MRAP2: variants seen among roughly 807,000 people sequenced by gnomAD.
MRAP2 encodes the protein melanocortin 2 receptor accessory protein 2.
Under a neutral mutation model 17.4 loss-of-function variants are expected in MRAP2, and 20 were observed. The observed-to-expected ratio is 1.15, with a 90% CI of 0.81 to 1.67. The LOEUF is 1.67. Among genes scored for constraint, MRAP2 ranks in the 40% most tolerant of loss-of-function variants. MRAP2 has a pLI of 0.00. For missense variants in MRAP2, 238 were observed against 240.0 expected (o/e 0.99, Z 0.05); for synonymous variants, 96 against 88.4 (o/e 1.09, Z -0.48).
the MRAP2 span, among the ~76,000 whole-genome samples, chr6:84,143,522 GA>G: frequency 1.3e-5 from 2 of 151,768 alleles, no homozygotes; most frequent in Non-Finnish European, 2.9e-5. Context: ...TTCGTTAAGG[GA>G]AAAAATAATT....
At chr6:84,053,274 G>T (rs2099490903) in intron 1 of MRAP2, among the ~76,000 whole-genome samples, 1 of 152,106 alleles carries the variant, frequency 6.6e-6, no homozygotes, top group South Asian at 2.1e-4. Context: ...TATTATAGTA[G>T]CTGTAATGTT....
chr6:84,125,304 G>A, the MRAP2 span: 2 of 1,587,574 alleles, frequency 1.3e-6, no homozygotes, highest in East Asian at 2.2e-5. Context: ...CCACATTGCT[G>A]TTATAGTTCA....
At chr6:84,111,380 G>A in the MRAP2 span, among the ~76,000 whole-genome samples, 1 of 150,916 alleles carries the variant, frequency 6.6e-6, no homozygotes, top group East Asian at 1.9e-4. Flanking sequence ...GTGAATGGGA[G>A]TTCACTCATG....
chr6:84,114,480 C>T, the MRAP2 span, among the ~76,000 whole-genome samples: 1 of 152,004 alleles, frequency 6.6e-6, no homozygotes, highest in African/African-American at 2.4e-5. Flanking sequence ...CTCCTCTAAC[C>T]TTTTTTCAAG....
At chr6:84,086,448 A>G (rs1588662524) in intron 3 of MRAP2, among the ~76,000 whole-genome samples, 1 of 152,128 alleles carries the variant, frequency 6.6e-6, no homozygotes, top group Non-Finnish European at 1.5e-5. Flanking sequence ...CCCCAGCTCT[A>G]TTCATCAGGA....
rs141380258 is a variant in MRAP2, at chr6:84,036,597, C to T, written c.-8+2714C>T. ...TACAGCTCATAAAGGCAGTGCAGAC[C>T]CAAAGAGTGAGCAGCAGCAAGATTT... On this transcript the variant is annotated intron_variant, in intron 1 of 3. Transcript: ENST00000257776. Among the ~76,000 whole-genome samples the T allele has an allele frequency of 6.1e-3, 935 of 152,098 alleles. 4 individuals are homozygous for T. Among genetic ancestry groups the T allele is most frequent in the Non-Finnish European group, 9.6e-3 (651 of 68,000 alleles).
chr6:84,132,479 C>T, the MRAP2 span, among the ~76,000 whole-genome samples: 1 of 152,212 alleles, frequency 6.6e-6, no homozygotes, highest in South Asian at 2.1e-4. Context: ...TTCAGGTACA[C>T]CAATCAGACA....
At chr6:84,110,771 T>C in the MRAP2 span, among the ~76,000 whole-genome samples, 1 of 152,216 alleles carries the variant, frequency 6.6e-6, no homozygotes, top group African/African-American at 2.4e-5. Flanking sequence ...TTGAGTTAAT[T>C]TTTGTATAAG....
chr6:84,045,317 G>A (rs1253220691), intron 1 of MRAP2: 2 of 985,292 alleles, frequency 2.0e-6, no homozygotes, highest in African/African-American at 3.5e-5. Flanking sequence ...GAGGCTGCGA[G>A]GGCAGAGATC....
intron 3 of MRAP2, among the ~76,000 whole-genome samples, chr6:84,080,596 G>A (rs1483934970): frequency 1.3e-5 from 2 of 152,122 alleles, no homozygotes; most frequent in African/African-American, 2.4e-5. Context: ...GGAGGGAGTG[G>A]CTCTCAGGCT....
At chr6:84,142,561 C>T in the MRAP2 span, among the ~76,000 whole-genome samples, 2 of 151,896 alleles carry the variant, frequency 1.3e-5, no homozygotes, top group Non-Finnish European at 2.9e-5. Flanking sequence ...AGAAACTAAC[C>T]CAAATGGTTT....
chr6:84,115,583 C>T, the MRAP2 span, among the ~76,000 whole-genome samples: 10 of 152,082 alleles, frequency 6.6e-5, no homozygotes, highest in East Asian at 5.8e-4. Flanking sequence ...GGGGAGTGAA[C>T]GGATCTGTCT....
intron 2 of MRAP2, chr6:84,061,666 C>G (rs1256532184): frequency 1.8e-6 from 1 of 544,178 alleles, no homozygotes; most frequent in Non-Finnish European, 2.3e-6. Flanking sequence ...GGTAAGAGCC[C>G]TGGTAAGGTG....
the MRAP2 span, among the ~76,000 whole-genome samples, chr6:84,111,593 A>G: frequency 3.9e-5 from 6 of 152,200 alleles, no homozygotes; most frequent in Admixed American, 6.5e-5. Context: ...AATACCGTTT[A>G]TTTCTTTCTC....
At chr6:84,088,519 C>G (rs2099501037) in intron 3 of MRAP2, among the ~76,000 whole-genome samples, 1 of 152,154 alleles carries the variant, frequency 6.6e-6, no homozygotes, top group South Asian at 2.1e-4. Context: ...AAATGCACAT[C>G]ATAATTCTTG....
At chr6:84,089,060 A>C (rs1562893951) in intron 3 of MRAP2, 31 bp from the exon 4 acceptor site, 1 of 1,575,024 alleles carries the variant, frequency 6.3e-7, no homozygotes, top group South Asian at 1.2e-5. Flanking sequence ...GCTGGAGTGT[A>C]AGCAGTCTTT....
the MRAP2 span, among the ~76,000 whole-genome samples, chr6:84,107,378 C>T: frequency 6.6e-6 from 1 of 152,040 alleles, no homozygotes; most frequent in African/African-American, 2.4e-5. Flanking sequence ...ACACTGGACC[C>T]CTAGAAATTT....
At chr6:84,095,105 G>T (rs989327316), downstream of MRAP2, among the ~76,000 whole-genome samples, 1 of 152,188 alleles carries the variant, frequency 6.6e-6, no homozygotes, top group African/African-American at 2.4e-5. Context: ...AGAAGCAAGG[G>T]CTCAAGGAGA....
intron 3 of MRAP2, among the ~76,000 whole-genome samples, chr6:84,085,299 C>T (rs1282698992): frequency 6.6e-6 from 1 of 152,066 alleles, no homozygotes; most frequent in Non-Finnish European, 1.5e-5. Context: ...CGTGATCCGC[C>T]CTTCTCGGCC....
Sources: allele counts gnomAD v4.1 joint callset (sites outside exome capture counted in the v4.1 genomes callset), GRCh38; gene constraint gnomAD v4.1.1; transcripts MANE v1.5; gene names NCBI Gene and HGNC (gene_info 2026-07-23, HGNC 2026-07-21).